The following WWOX variants were observed in gnomAD, a reference collection of about 807,000 sequenced individuals.
WWOX encodes the protein WW domain containing oxidoreductase.
A neutral mutation model predicts 46.2 loss-of-function variants in WWOX; 69 were observed. That is an observed-to-expected ratio of 1.49 (90% confidence interval 1.23 to 1.82). The LOEUF is 1.82. WWOX is among the 40% of genes most tolerant of loss of function. WWOX has a pLI of 0.00. For synonymous variants in WWOX, 359 were observed against 202.6 expected (o/e 1.77, Z -6.56); for missense variants, 919 against 542.6 (o/e 1.69, Z -6.89).
At chr16:78,215,995 G>C (rs548500730) in intron 5 of WWOX, among the ~76,000 whole-genome samples, 2 of 151,940 alleles carry the variant, frequency 1.3e-5, no homozygotes, top group Non-Finnish European at 2.9e-5. Context: ...CCATTTCACA[G>C]ATGAGCCACT....
chr16:78,363,132 GTGTGTGTATGTGTT>G (rs979833353), intron 5 of WWOX, among the ~76,000 whole-genome samples: 2 of 152,002 alleles, frequency 1.3e-5, no homozygotes, highest in Non-Finnish European at 2.9e-5. Context: ...AGTGGTCACT[GTGTGTGTATGTGTT>G]TGTGTGTGTG....
chr16:78,359,965 A>T (rs1308628917), intron 5 of WWOX, among the ~76,000 whole-genome samples: 1 of 152,218 alleles, frequency 6.6e-6, no homozygotes, highest in East Asian at 1.9e-4. Context: ...TTCACTATTC[A>T]ATCATTAGAA....
chr16:78,573,508 C>T (rs1428748148), intron 8 of WWOX, among the ~76,000 whole-genome samples: 11 of 152,318 alleles, frequency 7.2e-5, no homozygotes, highest in African/African-American at 1.7e-4. Flanking sequence ...TCCTAAAACA[C>T]ACCTTTGTCA....
chr16:78,579,910 G>A (rs1025793088), intron 8 of WWOX, among the ~76,000 whole-genome samples: 25 of 152,242 alleles, frequency 1.6e-4, no homozygotes, highest in African/African-American at 5.1e-4. Flanking sequence ...ATTTCACTCC[G>A]AGCCATCGAC....
chr16:78,897,210 C>T (rs1047052621), intron 8 of WWOX: 1 of 124,526 alleles, frequency 8.0e-6, no homozygotes, highest in African/African-American at 3.0e-5. Context: ...CACTGCTGCA[C>T]TCTAGCCTGG....
intron 8 of WWOX, among the ~76,000 whole-genome samples, chr16:78,474,590 A>C (rs921800307): frequency 5.9e-5 from 9 of 152,224 alleles, no homozygotes; most frequent in African/African-American, 2.2e-4. Context: ...TTATTGAGAG[A>C]TAATTTACAT....
intron 4 of WWOX, among the ~76,000 whole-genome samples, chr16:78,117,849 T>C (rs16947129): frequency 0.14 from 21,183 of 152,162 alleles, 1,742 homozygotes; most frequent in East Asian, 0.24. Flanking sequence ...GAGCCTGTTT[T>C]CTTTGGATAA....
chr16:78,759,841 TA>T, intron 8 of WWOX, among the ~76,000 whole-genome samples: 1 of 152,288 alleles, frequency 6.6e-6, no homozygotes, highest in Admixed American at 6.5e-5. Context: ...TGGCAGGCCT[TA>T]GGGGAGAGTC....
chr16:78,100,099 C>T (rs969094097), intron 1 of WWOX: 18 of 1,376,020 alleles, frequency 1.3e-5, no homozygotes, highest in Middle Eastern at 2.7e-4. Flanking sequence ...CTGGTGGCTT[C>T]CCGGCGCGCC....
At chr16:78,571,558 C>A (rs151068290) in intron 8 of WWOX, among the ~76,000 whole-genome samples, 1 of 152,264 alleles carries the variant, frequency 6.6e-6, no homozygotes, top group East Asian at 1.9e-4. Flanking sequence ...AAAGGATGTT[C>A]AAACTCATCA....
chr16:78,626,545 C>T lies in WWOX; in HGVS notation c.1056+193793C>T, dbSNP rs146963660. 2.6e-5 allele frequency among the ~76,000 whole-genome samples: 4 copies of T among 152,246 alleles called. No individual in the cohort carries two copies. The East Asian group carries it at 7.7e-4, about 29-fold the overall frequency. Reference sequence around the variant, plus strand: ...CATCACATCGTATCAAGCATTCCACCTTCATCATGACTCTTCACTGTTGAT... The same window carrying T: ...CATCACATCGTATCAAGCATTCCACTTTCATCATGACTCTTCACTGTTGAT... On this transcript the variant is annotated intron_variant, in intron 8 of 8. Transcript: ENST00000566780.
Position 78,509,332 on chromosome 16 carries a change from TAGGTAGCTG to T in WWOX, c.1056+76584_1056+76592del, listed in dbSNP as rs529020982. ...GCCAGCACCTGTAGTCCTAGCTACT[TAGGTAGCTG>T]AGGCAGGAACTCGCTTGAACCCGGG... On this transcript the variant is annotated intron_variant, in intron 8 of 8. Transcript: ENST00000566780. Among the ~76,000 whole-genome samples, 313 of 152,066 alleles carry T rather than the reference TAGGTAGCTG, an allele frequency of 2.1e-3. 2 individuals carry two copies. The highest frequency in any genetic ancestry group is 7.2e-3 in the African/African-American group (298 of 41,456).
chr16:78,675,654 T>TA (rs1018773631), intron 8 of WWOX, among the ~76,000 whole-genome samples: 5 of 151,874 alleles, frequency 3.3e-5, no homozygotes, highest in East Asian at 1.9e-4. Flanking sequence ...TGTATGTCTT[T>TA]AAAAAAAATA....
intron 8 of WWOX, among the ~76,000 whole-genome samples, chr16:79,042,673 G>T (rs1178424278): frequency 2.0e-5 from 3 of 151,568 alleles, no homozygotes; most frequent in African/African-American, 7.3e-5. Flanking sequence ...TGGGCAGAAG[G>T]TTTTGCAAGA....
At chr16:78,840,365 AG>A (rs2052104969) in intron 8 of WWOX, among the ~76,000 whole-genome samples, 1 of 152,134 alleles carries the variant, frequency 6.6e-6, no homozygotes, top group Admixed American at 6.5e-5. Context: ...AGGCATGGTA[AG>A]GCCACTGTAC....
chr16:78,312,938 G>C (rs914882988), intron 5 of WWOX, among the ~76,000 whole-genome samples: 1 of 152,214 alleles, frequency 6.6e-6, no homozygotes, highest in Non-Finnish European at 1.5e-5. Context: ...CCCCTTATCA[G>C]TGGGTTCCCA....
At chr16:78,799,382 C>G (rs1441966131) in intron 8 of WWOX, among the ~76,000 whole-genome samples, 1 of 152,216 alleles carries the variant, frequency 6.6e-6, no homozygotes, top group East Asian at 1.9e-4. Flanking sequence ...CACATGCTCA[C>G]ACGTCTGTGC....
Position 79,093,707 on chromosome 16 carries a change from C to G in WWOX, c.1057-117901C>G, listed in dbSNP as rs577988398. Among the ~76,000 whole-genome samples the G allele has an allele frequency of 2.0e-5, 3 of 152,202 alleles. No homozygotes were observed. The South Asian group carries it at 6.2e-4, about 31-fold the overall frequency. The stretch of plus-strand genomic sequence containing the variant: ...GGCAGTGCTTCAGCCTTTTTGGTAA[C>G]TTGAATGAACATCAAAAGGATAATC... On this transcript the variant is annotated intron_variant, in intron 8 of 8. Coordinates refer to ENST00000566780, the MANE Select transcript of WWOX (RefSeq NM_016373.4).
At chr16:79,177,975 C>G (rs1422356767) in intron 8 of WWOX, among the ~76,000 whole-genome samples, 3 of 152,188 alleles carry the variant, frequency 2.0e-5, no homozygotes, top group African/African-American at 7.2e-5. Context: ...GGCTCGTTCC[C>G]TGGCTCATAG....
Sources: allele counts gnomAD v4.1 joint callset (sites outside exome capture counted in the v4.1 genomes callset), GRCh38; gene constraint gnomAD v4.1.1; transcripts MANE v1.5; gene names NCBI Gene and HGNC (gene_info 2026-07-23, HGNC 2026-07-21).